The following KCNIP4 variants were observed in gnomAD, a reference collection of about 807,000 sequenced individuals.
KCNIP4 encodes the protein potassium voltage-gated channel interacting protein 4, also known as Kv channel-interacting protein 4.
A neutral mutation model predicts 34.0 loss-of-function variants in KCNIP4; 12 were observed. The observed-to-expected ratio is 0.35, with a 90% CI of 0.23 to 0.57. KCNIP4 has a LOEUF of 0.57. Ranked by LOEUF, KCNIP4 falls within the 20% of genes least tolerant of loss-of-function variation. The pLI is 0.83. For missense variants in KCNIP4, 238 were observed against 311.7 expected, an observed-to-expected ratio of 0.76 and a Z score of 1.78; for synonymous variants, 124 against 102.2, an observed-to-expected ratio of 1.21 and a Z score of -1.29.
chr4:21,262,321 G>A (rs552954212), intron 1 of KCNIP4, among the ~76,000 whole-genome samples: 10 of 152,050 alleles, frequency 6.6e-5, no homozygotes, highest in Non-Finnish European at 1.3e-4. Flanking sequence ...TCCTGAACAT[G>A]AATATTCACT....
chr4:21,468,412 C>T (rs571246408), intron 1 of KCNIP4, among the ~76,000 whole-genome samples: 3 of 152,242 alleles, frequency 2.0e-5, no homozygotes, highest in South Asian at 4.1e-4. Context: ...AAAGACTGCT[C>T]GCAATCTCCA....
chr4:21,525,992 A>G (rs930007346), intron 1 of KCNIP4, among the ~76,000 whole-genome samples: 1 of 151,966 alleles, frequency 6.6e-6, no homozygotes, highest in Non-Finnish European at 1.5e-5. Flanking sequence ...ACATTATCCA[A>G]TTTTTTTTAA....
At chr4:21,545,261 C>G (rs1738043876) in intron 1 of KCNIP4, among the ~76,000 whole-genome samples, 1 of 152,074 alleles carries the variant, frequency 6.6e-6, no homozygotes, top group South Asian at 2.1e-4. Flanking sequence ...CACCCCTTTC[C>G]TGGAAAACTC....
intron 1 of KCNIP4, among the ~76,000 whole-genome samples, chr4:21,035,439 G>A (rs28628512): frequency 0.025 from 3,766 of 152,254 alleles, 148 homozygotes; most frequent in African/African-American, 0.085. Flanking sequence ...TACCACTCCT[G>A]TGTGGCTCTG....
intron 3 of KCNIP4, among the ~76,000 whole-genome samples, chr4:20,766,131 T>C (rs905686802): frequency 6.6e-6 from 1 of 152,172 alleles, no homozygotes; most frequent in Non-Finnish European, 1.5e-5. Context: ...TTACATGGAT[T>C]ATCTCGTGGG....
chr4:21,256,193 T>G (rs1418462632), intron 1 of KCNIP4, among the ~76,000 whole-genome samples: 1 of 152,042 alleles, frequency 6.6e-6, no homozygotes, highest in Non-Finnish European at 1.5e-5. Flanking sequence ...ATTGAGAAAG[T>G]GTGCTATATG....
chr4:21,250,160 A>G (rs1241980528), intron 1 of KCNIP4, among the ~76,000 whole-genome samples: 2 of 150,656 alleles, frequency 1.3e-5, no homozygotes, highest in Non-Finnish European at 3.0e-5. Context: ...CTGCAAAACC[A>G]CAGGTGGACA....
At chr4:21,610,341 TTTGTCTTCACA>T (rs1744054250) in intron 1 of KCNIP4, among the ~76,000 whole-genome samples, 1 of 152,226 alleles carries the variant, frequency 6.6e-6, no homozygotes, top group African/African-American at 2.4e-5. Flanking sequence ...ATCTTCACCC[TTTGTCTTCACA>T]TTGTCTTCCT....
chr4:21,171,880 G>A (rs563282942), intron 1 of KCNIP4, among the ~76,000 whole-genome samples: 12 of 152,292 alleles, frequency 7.9e-5, no homozygotes, highest in African/African-American at 2.9e-4. Context: ...ATAAATACTT[G>A]TCTCAGCTCT....
intron 3 of KCNIP4, among the ~76,000 whole-genome samples, chr4:20,804,098 G>A (rs918283802): frequency 1.3e-5 from 2 of 152,122 alleles, no homozygotes; most frequent in Non-Finnish European, 2.9e-5. Context: ...TGATACTAAC[G>A]GTGACTAATA....
intron 1 of KCNIP4, among the ~76,000 whole-genome samples, chr4:21,275,296 C>T (rs1249868342): frequency 6.6e-6 from 1 of 152,180 alleles, no homozygotes; most frequent in Admixed American, 6.5e-5. Flanking sequence ...TACCATGAGA[C>T]ATCCTGGAAG....
At chr4:21,305,781 A>G (rs1213499291) in intron 1 of KCNIP4, among the ~76,000 whole-genome samples, 1 of 152,196 alleles carries the variant, frequency 6.6e-6, no homozygotes, top group Non-Finnish European at 1.5e-5. Context: ...TGCTCTATCT[A>G]TTTAGAAAAA....
chr4:21,220,882 A>T (rs914131587), intron 1 of KCNIP4, among the ~76,000 whole-genome samples: 3 of 151,844 alleles, frequency 2.0e-5, no homozygotes, highest in South Asian at 2.1e-4. Flanking sequence ...ACTTGACATT[A>T]AAAAAAAGTC....
At chr4:21,463,317 T>C (rs1292824632) in intron 1 of KCNIP4, among the ~76,000 whole-genome samples, 1 of 152,142 alleles carries the variant, frequency 6.6e-6, no homozygotes, top group Non-Finnish European at 1.5e-5. Context: ...AATGTCTTTT[T>C]TTGAGAAATG....
chr4:21,149,181 G>T (rs1180148007), intron 1 of KCNIP4, among the ~76,000 whole-genome samples: 1 of 152,144 alleles, frequency 6.6e-6, no homozygotes, highest in Non-Finnish European at 1.5e-5. Context: ...ATTAGAGAGG[G>T]TTTTATAGTT....
chr4:21,149,044 G>T (rs1377781305), intron 1 of KCNIP4, among the ~76,000 whole-genome samples: 1 of 152,064 alleles, frequency 6.6e-6, no homozygotes, highest in African/African-American at 2.4e-5. Flanking sequence ...ACATAAGTGT[G>T]CAATCTATAT....
intron 1 of KCNIP4, among the ~76,000 whole-genome samples, chr4:21,497,542 G>A (rs150459894): frequency 6.6e-6 from 1 of 152,070 alleles, no homozygotes; most frequent in African/African-American, 2.4e-5. Flanking sequence ...ACCCCAAACA[G>A]TTTTTAAACC....
At chr4:20,877,721 C>T (rs111546834) in intron 2 of KCNIP4, among the ~76,000 whole-genome samples, 10 of 152,220 alleles carry the variant, frequency 6.6e-5, no homozygotes, top group African/African-American at 2.4e-4. Flanking sequence ...CTTTTCCTCT[C>T]CTTGAATTTT....
intron 1 of KCNIP4, among the ~76,000 whole-genome samples, chr4:21,357,323 A>C (rs1165760709): frequency 6.6e-6 from 1 of 152,190 alleles, no homozygotes; most frequent in Admixed American, 6.5e-5. Context: ...AATGGGATCT[A>C]ATTAAACTAA....
Sources: allele counts gnomAD v4.1 joint callset (sites outside exome capture counted in the v4.1 genomes callset), GRCh38; gene constraint gnomAD v4.1.1; transcripts MANE v1.5; gene names NCBI Gene and HGNC (gene_info 2026-07-23, HGNC 2026-07-21).